RHPN1: variants seen among roughly 807,000 people sequenced by gnomAD.
The protein encoded by RHPN1 is rhophilin-1.
RHPN1 carries 77 observed loss-of-function variants against 74.7 expected under a neutral mutation model. The observed-to-expected ratio is 1.03, with a 90% CI of 0.86 to 1.25. The LOEUF (loss-of-function observed/expected upper bound fraction) is 1.25. Among genes scored for constraint, RHPN1 ranks in the 50% most tolerant of loss-of-function variants. The pLI, the probability that RHPN1 is intolerant of heterozygous loss-of-function variation, is 0.00. For synonymous variants in RHPN1, 444 were observed against 414.5 expected (o/e 1.07, Z -0.87); for missense variants, 987 against 932.2 (o/e 1.06, Z -0.77).
At chr8:143,381,243 T>C (rs1465880333) in intron 11 of RHPN1, 25 bp from the exon 12 acceptor site, 2 of 1,602,408 alleles carry the variant, frequency 1.2e-6, no homozygotes, top group South Asian at 2.2e-5. Context: ...TCTCCCAGCT[T>C]AGCTCTGCTC....
Position 143,378,276 on chromosome 8 carries a change from T to A in RHPN1, c.389T>A (p.Ile130Asn). ...LDWSTPLKELISVHFGEDGAS... is the reference protein window; with the variant it reads ...LDWSTPLKELNSVHFGEDGAS... ...ACACCTGCCCCCCATCAGGAGCTGA[T>A]CTCAGTGCACTTTGGAGAGGACGGC... The change falls in exon 5 of 15, where the codon ATC becomes AAC. Residue 130 changes from isoleucine (I) to asparagine (N), a missense_variant. Coordinates refer to ENST00000289013, the MANE Select transcript of RHPN1 (RefSeq NM_052924.3). 6.4e-7 allele frequency: 1 copy of A among 1,572,458 alleles called. No homozygotes were observed. Among genetic ancestry groups the A allele is most frequent in the Non-Finnish European group, 8.6e-7 (1 of 1,159,134 alleles).
intron 1 of RHPN1, among the ~76,000 whole-genome samples, chr8:143,372,369 T>C (rs1224385778): frequency 6.6e-6 from 1 of 152,066 alleles, no homozygotes; most frequent in East Asian, 1.9e-4. Flanking sequence ...CCCATGCCCC[T>C]CTCCCACCTG....
chr8:143,375,717 AGGGG>A, intron 2 of RHPN1, 49 bp downstream of exon 2: 1 of 1,432,022 alleles, frequency 7.0e-7, no homozygotes, highest in Non-Finnish European at 9.6e-7. Flanking sequence ...CACCTGGGTG[AGGGG>A]GGCAGGACAG....
At chr8:143,374,935 C>T (rs992317360) in intron 1 of RHPN1, among the ~76,000 whole-genome samples, 9 of 152,228 alleles carry the variant, frequency 5.9e-5, no homozygotes, top group Non-Finnish European at 8.8e-5. Context: ...GGCTCAGAGT[C>T]ATTTCTCTGT....
chr8:143,366,467 C>A (rs563507179), upstream of RHPN1, among the ~76,000 whole-genome samples: 108 of 152,032 alleles, frequency 7.1e-4, no homozygotes, highest in African/African-American at 2.5e-3. Context: ...AATCCAGTAA[C>A]ACAGAAGCAT....
chr8:143,370,993 C>T (rs1384096819), intron 1 of RHPN1, among the ~76,000 whole-genome samples: 2 of 152,142 alleles, frequency 1.3e-5, no homozygotes, highest in East Asian at 3.9e-4. Flanking sequence ...GCCTGAGGTT[C>T]CCCAGCCTGG....
chr8:143,375,944 T>C (rs975054278), intron 2 of RHPN1, among the ~76,000 whole-genome samples: 6 of 152,186 alleles, frequency 3.9e-5, no homozygotes, highest in Admixed American at 3.9e-4. Context: ...TGGGGGCTTC[T>C]CAGAAGAGGC....
chr8:143,381,372 C>T, intron 12 of RHPN1, 28 bp downstream of exon 12: 1 of 1,584,374 alleles, frequency 6.3e-7, no homozygotes, highest in Non-Finnish European at 8.6e-7. Context: ...CAGGCACCGC[C>T]CAGCATGGGC....
chr8:143,366,417 C>T (rs1029531835), upstream of RHPN1, among the ~76,000 whole-genome samples: 1 of 152,066 alleles, frequency 6.6e-6, no homozygotes, highest in Non-Finnish European at 1.5e-5. Flanking sequence ...AAAGGAAACT[C>T]TAAATTTTTT....
At chr8:143,377,703 T>C (rs1315631612) in intron 4 of RHPN1, among the ~76,000 whole-genome samples, 1 of 152,128 alleles carries the variant, frequency 6.6e-6, no homozygotes, top group African/African-American at 2.4e-5. Context: ...GGTGTGAACA[T>C]GTGCCCTACC....
chr8:143,374,126 T>C, intron 1 of RHPN1: 3 of 985,280 alleles, frequency 3.0e-6, no homozygotes, highest in Non-Finnish European at 3.6e-6. Flanking sequence ...CAAAAAGAAC[T>C]CTCTCCAGAT....
Position 143,381,905 on chromosome 8 carries a change from G to A in RHPN1, c.1734G>A (p.Ala578=), listed in dbSNP as rs199750331. Residue 578 remains alanine, a synonymous_variant, in exon 14 of 15, where the codon GCG becomes GCA. Transcript: ENST00000289013. ...AGGTGGTGACGGAGCTGAAGGCTGC[G>A]GGAGAGGCGGGCGCCAGCCTGCAGG... ...HAEVVTELKA[A]GEAGASLQVV... is the part of the protein sequence containing the mutation. 7.6e-5 allele frequency: 122 copies of A among 1,611,814 alleles called. No homozygotes were observed. The African/African-American group carries it at 1.1e-3, about 15-fold the overall frequency.
chr8:143,379,574 A>G (rs975953567), intron 8 of RHPN1, 66 bp downstream of exon 8: 2 of 1,482,430 alleles, frequency 1.3e-6, no homozygotes, highest in African/African-American at 1.4e-5. Flanking sequence ...GCCCAGGTCC[A>G]GGCATGCGTG....
chr8:143,376,823 CAT>C (rs1222108508), intron 3 of RHPN1, among the ~76,000 whole-genome samples, 170 bp downstream of exon 3: 2 of 136,548 alleles, frequency 1.5e-5, no homozygotes, highest in Non-Finnish European at 3.1e-5. Context: ...TGTCTGTGTG[CAT>C]GTGTCTGTGC....
At chr8:143,372,283 C>T (rs868787139) in intron 1 of RHPN1, among the ~76,000 whole-genome samples, 151 of 144,680 alleles carry the variant, frequency 1.0e-3, no homozygotes, top group African/African-American at 3.5e-3. Flanking sequence ...GAGGTGGTAG[C>T]GCCGGTGGGA....
At chr8:143,371,480 T>C (rs191828895) in intron 1 of RHPN1, among the ~76,000 whole-genome samples, 207 of 152,180 alleles carry the variant, frequency 1.4e-3, no homozygotes, top group African/African-American at 4.7e-3. Flanking sequence ...CAGGGGATCC[T>C]GGGGGAGAGT....
rs1000312030 is a variant in RHPN1, at chr8:143,381,917, C to T, written c.1746C>T (p.Gly582=). ...AGCTGAAGGCTGCGGGAGAGGCGGG[C>T]GCCAGCCTGCAGGTGGTGTCGCTGC... ...VTELKAAGEA[G]ASLQVVSLLP... Residue 582 remains glycine (G), a synonymous_variant, in exon 14 of 15, where the codon GGC becomes GGT. Transcript: ENST00000289013. 23 of 1,609,938 alleles carry T rather than the reference C, an allele frequency of 1.4e-5. No individual in the cohort carries two copies. The highest frequency in any genetic ancestry group is 1.7e-5 in the Non-Finnish European group (20 of 1,178,942).
At position 143,380,647 on chromosome 8, in the gene RHPN1, C is replaced by T. The variant is rs577430125; in HGVS notation, c.1275C>T (p.Ala425=). ...LGQEEALRLH[A]LCRVLREVDL... ...AGGAGGAGGCGCTGCGGCTGCACGC[C>T]CTGTGCCGCGTCCTGCGCGAGGTGG... The change falls in exon 11 of 15, where the codon GCC becomes GCT. Residue 425 remains alanine (A), a synonymous_variant. Coordinates refer to ENST00000289013, the MANE Select transcript of RHPN1 (RefSeq NM_052924.3). 4.9e-5 allele frequency: 76 copies of T among 1,564,028 alleles called. No individual in the cohort carries two copies. In the South Asian group the frequency reaches 8.0e-4, roughly 16 times the overall value.
In RHPN1 at chr8:143,379,815, A is replaced by G. The variant is rs1187462224; in HGVS notation, c.946-14A>G. ...AGTGGGAGGCCCTCGCGTGCCTGCC[A>G]CATCCACCGGCAGGTGGCAGCCGAG... On this transcript the variant is annotated splice_polypyrimidine_tract_variant and intron_variant, in intron 8 of 14. Coordinates refer to ENST00000289013, the MANE Select transcript of RHPN1 (RefSeq NM_052924.3). The G allele has an allele frequency of 6.2e-7, 1 of 1,604,224 alleles. No individual in the cohort carries two copies. Among genetic ancestry groups the G allele is most frequent in the South Asian group, 1.1e-5 (1 of 90,334 alleles).
Sources: allele counts gnomAD v4.1 joint callset (sites outside exome capture counted in the v4.1 genomes callset), GRCh38; gene constraint gnomAD v4.1.1; transcripts MANE v1.5; gene names NCBI Gene and HGNC (gene_info 2026-07-23, HGNC 2026-07-21).